Variants in HADH observed in about 807,000 individuals in gnomAD.
HADH encodes hydroxyacyl-coenzyme A dehydrogenase, mitochondrial.
HADH carries 24 observed loss-of-function variants against 32.2 expected under a neutral mutation model. The ratio of observed to expected loss-of-function variants is 0.75; its 90% CI spans 0.54 to 1.05. The LOEUF (loss-of-function observed/expected upper bound fraction) is 1.05. Among genes scored for constraint, HADH ranks in the 50% least tolerant of loss-of-function variants. The pLI, the probability that HADH is intolerant of heterozygous loss-of-function variation, is 0.00. For synonymous variants in HADH, 139 were observed against 152.5 expected (o/e 0.91, Z 0.65); for missense variants, 350 against 397.1 (o/e 0.88, Z 1.01).
At chr4:108,027,989 C>T in intron 6 of HADH, 1 of 602,706 alleles carries the variant, frequency 1.7e-6, no homozygotes, top group Non-Finnish European at 3.0e-6. Flanking sequence ...GGAACTCCCA[C>T]CACCCCCACT....
At chr4:108,000,168 A>C (rs1016319019) in intron 1 of HADH, among the ~76,000 whole-genome samples, 2 of 152,228 alleles carry the variant, frequency 1.3e-5, no homozygotes, top group African/African-American at 4.8e-5. Flanking sequence ...TGATTTCATC[A>C]TCTAAAGTTG....
chr4:108,028,743 G>A (rs2126237831), intron 6 of HADH: 1 of 395,862 alleles, frequency 2.5e-6, no homozygotes. Context: ...AAAGGCAGTT[G>A]TATGTCTTTT....
chr4:108,015,969 G>A (rs1372261924), intron 3 of HADH, among the ~76,000 whole-genome samples: 4 of 152,026 alleles, frequency 2.6e-5, no homozygotes, highest in Non-Finnish European at 5.9e-5. Flanking sequence ...TTTTTTGGAT[G>A]GAGCAAACAG....
Position 108,034,383 on chromosome 4 carries a change from G to C in HADH, c.*26G>C. 1 of 1,361,662 alleles carries C rather than the reference G, an allele frequency of 7.3e-7. No individual in the cohort carries two copies. The highest frequency in any genetic ancestry group is 1.1e-6 in the Non-Finnish European group (1 of 949,640). 84.3% of individuals were successfully genotyped at this position (1,361,662 alleles called of 1,614,324 possible). Reference sequence around the variant, plus strand: ...TGTGCAGCTTCTCCGGCTCTGAGAAGAACACCTGAGAGCGCTTTCCAGCCA... The same window carrying C: ...TGTGCAGCTTCTCCGGCTCTGAGAACAACACCTGAGAGCGCTTTCCAGCCA... On this transcript the variant is annotated 3_prime_UTR_variant, in exon 8 of 8. Transcript: ENST00000309522.
intron 4 of HADH, 115 bp downstream of exon 4, chr4:108,019,781 G>T: frequency 1.7e-6 from 2 of 1,164,900 alleles, no homozygotes; most frequent in East Asian, 2.3e-5. Context: ...TAACCTGAGG[G>T]TAGAAGGTTG....
chr4:108,028,265 G>T, intron 6 of HADH: 1 of 174,130 alleles, frequency 5.7e-6, no homozygotes, highest in African/African-American at 2.4e-5. Flanking sequence ...CCTTAAGAAT[G>T]GTGTAAACAG....
At chr4:108,008,054 A>G (rs1288348026) in intron 1 of HADH, among the ~76,000 whole-genome samples, 1 of 152,232 alleles carries the variant, frequency 6.6e-6, no homozygotes, top group Admixed American at 6.5e-5. Flanking sequence ...TTGCAACACA[A>G]TAAATTGTGA....
intron 6 of HADH, chr4:108,028,665 G>T (rs1736145719): frequency 5.1e-6 from 2 of 391,042 alleles, no homozygotes; most frequent in Non-Finnish European, 9.0e-6. Flanking sequence ...CAACAGTTCT[G>T]GTTTATCTAT....
chr4:108,033,388 T>A (rs560007080), intron 7 of HADH, 96 bp downstream of exon 7: 12 of 771,804 alleles, frequency 1.6e-5, no homozygotes, highest in Middle Eastern at 3.0e-4. Flanking sequence ...GGGGTCTTAA[T>A]AAAGACCTTC....
chr4:108,003,811 TAAAAAA>T (rs74268353), intron 1 of HADH, among the ~76,000 whole-genome samples: 4 of 146,730 alleles, frequency 2.7e-5, no homozygotes, highest in African/African-American at 7.7e-5. Context: ...AGCCCAGAAT[TAAAAAA>T]AAAAAAAAAC....
chr4:107,996,017 C>T (rs1256613085), intron 1 of HADH, among the ~76,000 whole-genome samples: 2 of 152,190 alleles, frequency 1.3e-5, no homozygotes, highest in African/African-American at 4.8e-5. Flanking sequence ...TTCCAGAGAG[C>T]TTGCCCCTCC....
Position 107,995,448 on chromosome 4 carries a change from A to G in HADH, c.132+5384A>G, listed in dbSNP as rs576929495. On this transcript the variant is annotated intron_variant, in intron 1 of 7. Coordinates refer to ENST00000309522, the MANE Select transcript of HADH (RefSeq NM_005327.7). ...ACCCATCAGACCTGATCTAGTGAGG[A>G]TTTCTCTTAGATTGTCTTCACTGTC... Among the ~76,000 whole-genome samples, 6 of 152,252 alleles carry G rather than the reference A, an allele frequency of 3.9e-5. No homozygotes were observed. The South Asian group carries it at 8.3e-4, about 21-fold the overall frequency.
intron 1 of HADH, among the ~76,000 whole-genome samples, chr4:108,001,308 T>A (rs1309835779): frequency 1.3e-5 from 2 of 152,120 alleles, no homozygotes; most frequent in African/African-American, 4.8e-5. Flanking sequence ...TCAGGCACAG[T>A]TGGAAGTATG....
chr4:108,017,127 A>G (rs1259154949), intron 3 of HADH, among the ~76,000 whole-genome samples: 1 of 152,196 alleles, frequency 6.6e-6, no homozygotes, highest in African/African-American at 2.4e-5. Flanking sequence ...AAGCAGCCGT[A>G]TTGAGAGGTA....
At chr4:108,015,793 G>A (rs1003523321) in intron 3 of HADH, among the ~76,000 whole-genome samples, 3 of 152,114 alleles carry the variant, frequency 2.0e-5, no homozygotes, top group Admixed American at 6.5e-5. Flanking sequence ...CTGCTCTGAC[G>A]TTCCTTGGTT....
At chr4:107,990,556 C>T (rs1734750884) in intron 1 of HADH, among the ~76,000 whole-genome samples, 1 of 152,174 alleles carries the variant, frequency 6.6e-6, no homozygotes, top group African/African-American at 2.4e-5. Flanking sequence ...AACGGCCTCC[C>T]GGCTCTCCCC....
chr4:108,013,475 C>T (rs1735576409), intron 2 of HADH, among the ~76,000 whole-genome samples: 1 of 152,146 alleles, frequency 6.6e-6, no homozygotes, highest in South Asian at 2.1e-4. Flanking sequence ...AGTTGCTCAG[C>T]TCTGGCTAGC....
intron 6 of HADH, chr4:108,028,516 A>AT (rs1268458821): frequency 4.6e-6 from 1 of 217,948 alleles, no homozygotes. Flanking sequence ...TGAGAGTGTC[A>AT]TTTTTTAAAC....
intron 1 of HADH, among the ~76,000 whole-genome samples, chr4:108,001,997 A>C (rs1735132155): frequency 6.6e-6 from 1 of 152,180 alleles, no homozygotes; most frequent in Admixed American, 6.5e-5. Context: ...GTCGAAGCTG[A>C]ATCCCCAGTG....
Sources: allele counts gnomAD v4.1 joint callset (sites outside exome capture counted in the v4.1 genomes callset), GRCh38; gene constraint gnomAD v4.1.1; transcripts MANE v1.5; gene names NCBI Gene and HGNC (gene_info 2026-07-23, HGNC 2026-07-21).